Variants in JAK1 observed in about 807,000 individuals in gnomAD.
The protein encoded by JAK1 is tyrosine-protein kinase JAK1.
A neutral mutation model predicts 136.6 loss-of-function variants in JAK1; 16 were observed. The observed-to-expected ratio is 0.12, with a 90% confidence interval of 0.08 to 0.18. The LOEUF is 0.18. JAK1 is among the 10% of genes least tolerant of loss of function. JAK1 has a pLI of 1.00. For missense variants in JAK1, 859 were observed against 1,450.1 expected (o/e 0.59, Z 6.62); for synonymous variants, 492 against 519.5 (o/e 0.95, Z 0.72).
chr1:64,966,022 G>T (rs375005974), intron 1 of JAK1, among the ~76,000 whole-genome samples: 1 of 151,834 alleles, frequency 6.6e-6, no homozygotes, highest in African/African-American at 2.4e-5. Flanking sequence ...CAGACAGCGC[G>T]CTCCGGGCTT....
At chr1:64,973,267 C>T (rs997046566) in intron 2 of JAK1, among the ~76,000 whole-genome samples, 6 of 123,024 alleles carry the variant, frequency 4.9e-5, no homozygotes, top group Admixed American at 3.1e-4. Flanking sequence ...GAAAGAAAGA[C>T]GGAAGGAAGG....
chr1:64,982,343 C>T (rs774021688), intron 2 of JAK1, among the ~76,000 whole-genome samples: 1 of 152,158 alleles, frequency 6.6e-6, no homozygotes, highest in Non-Finnish European at 1.5e-5. Flanking sequence ...TTAGCTGACT[C>T]ACACAAGAGC....
chr1:64,919,249 G>A (rs1236214171), intron 1 of JAK1, among the ~76,000 whole-genome samples: 1 of 152,138 alleles, frequency 6.6e-6, no homozygotes, highest in Non-Finnish European at 1.5e-5. Context: ...TCCCACCTAT[G>A]AGTCAGAACA....
At chr1:65,030,764 T>A (rs1269514475) in intron 2 of JAK1, among the ~76,000 whole-genome samples, 2 of 152,148 alleles carry the variant, frequency 1.3e-5, no homozygotes, top group African/African-American at 4.8e-5. Flanking sequence ...ACTCCTGACC[T>A]CAGGTGATCC....
chr1:64,899,391 T>C (rs1300859043), intron 1 of JAK1, among the ~76,000 whole-genome samples: 1 of 152,206 alleles, frequency 6.6e-6, no homozygotes, highest in African/African-American at 2.4e-5. Flanking sequence ...TAAATTACTG[T>C]CACCTATAAA....
At chr1:64,990,511 G>A (rs1313215941) in intron 2 of JAK1, 1 of 152,018 alleles carries the variant, frequency 6.6e-6, no homozygotes, top group Non-Finnish European at 1.5e-5. Flanking sequence ...CAAAGAAGGA[G>A]AAGAATCTTA....
At chr1:65,044,002 G>T (rs181787848) in intron 2 of JAK1, among the ~76,000 whole-genome samples, 30 of 152,128 alleles carry the variant, frequency 2.0e-4, no homozygotes, top group African/African-American at 7.2e-4. Flanking sequence ...GATTACAGAC[G>T]TGAGTCACCG....
chr1:64,866,109 T>C (rs1365560785), intron 7 of JAK1, among the ~76,000 whole-genome samples: 2 of 152,224 alleles, frequency 1.3e-5, no homozygotes, highest in East Asian at 1.9e-4. Context: ...GTAACGGCTA[T>C]AATAATTTAT....
At chr1:64,834,708 TAA>T (rs747710267) in intron 24 of JAK1, 51 bp from the exon 25 acceptor site, 10 of 1,177,806 alleles carry the variant, frequency 8.5e-6, no homozygotes, top group Non-Finnish European at 1.2e-5. Context: ...CTGGGAACTT[TAA>T]AAAATAACAG....
chr1:65,002,773 C>G (rs1646771409), intron 2 of JAK1, among the ~76,000 whole-genome samples: 2 of 152,330 alleles, frequency 1.3e-5, no homozygotes, highest in South Asian at 4.1e-4. Flanking sequence ...TTCCCCGCCA[C>G]GATCGATGTG....
intron 17 of JAK1, among the ~76,000 whole-genome samples, chr1:64,843,628 T>TGCCTGTA (rs2100987352): frequency 6.6e-6 from 1 of 152,306 alleles, no homozygotes; most frequent in South Asian, 2.1e-4. Flanking sequence ...CCTAAGGCCC[T>TGCCTGTA]CAAGGGAAGG....
chr1:65,065,865 A>G (rs1251676141), intron 1 of JAK1, among the ~76,000 whole-genome samples: 1 of 151,642 alleles, frequency 6.6e-6, no homozygotes, highest in East Asian at 2.0e-4. Context: ...CGCACTGGCC[A>G]AAGGGGGTCA....
chr1:64,885,546 G>A (rs978177341), intron 2 of JAK1, among the ~76,000 whole-genome samples: 1 of 152,204 alleles, frequency 6.6e-6, no homozygotes, highest in East Asian at 1.9e-4. Context: ...GAGGTCACGA[G>A]ATTGAGACCA....
intron 1 of JAK1, among the ~76,000 whole-genome samples, chr1:65,063,677 C>T (rs1304419046): frequency 2.6e-5 from 4 of 151,968 alleles, no homozygotes; most frequent in African/African-American, 4.8e-5. Flanking sequence ...TGGTGGCACA[C>T]ACCTGTAGTC....
chr1:65,044,024 A>G (rs1647161276), intron 2 of JAK1, among the ~76,000 whole-genome samples: 1 of 151,514 alleles, frequency 6.6e-6, no homozygotes, highest in Admixed American at 6.6e-5. Context: ...ACCTGGCTGA[A>G]TTTTTGTATT....
chr1:64,974,772 A>G (rs1473227889), intron 2 of JAK1: 1 of 152,280 alleles, frequency 6.6e-6, no homozygotes, highest in Admixed American at 6.5e-5. Flanking sequence ...AAGACTATAT[A>G]GCACAGTTCC....
At chr1:64,916,309 A>T (rs2100331582) in intron 1 of JAK1, among the ~76,000 whole-genome samples, 1 of 152,354 alleles carries the variant, frequency 6.6e-6, no homozygotes, top group African/African-American at 2.4e-5. Flanking sequence ...GTAACATTTC[A>T]GAGAAAAAAG....
In JAK1 at chr1:64,850,999, C is replaced by T. The variant is rs942572062; in HGVS notation, c.1649-89G>A. 1.5e-5 allele frequency: 13 copies of T among 848,542 alleles called. 1 individual carries two copies. Among genetic ancestry groups the T allele is most frequent in the East Asian group, 2.6e-5 (1 of 39,174 alleles). 52.6% of individuals were successfully genotyped at this position (848,542 alleles called of 1,614,324 possible). A position where few individuals can be genotyped will look rare whatever the true frequency, so the allele number is the denominator to read the frequency against. Reference sequence around the variant, plus strand: ...GTCTGCTGAGCCGGGGCCGTGGGACCGGTGTGCGGGCGCTTGCTGCTTCAG... The same window carrying T: ...GTCTGCTGAGCCGGGGCCGTGGGACTGGTGTGCGGGCGCTTGCTGCTTCAG... On this transcript the variant is annotated intron_variant, in intron 11 of 24. Coordinates refer to ENST00000342505, the MANE Select transcript of JAK1 (RefSeq NM_002227.4).
At position 64,922,807 on chromosome 1, in the gene JAK1, G is replaced by A. The variant is rs537325954; in HGVS notation, c.-77-36466C>T. Among the ~76,000 whole-genome samples, 305 of 152,214 alleles carry A rather than the reference G, an allele frequency of 2.0e-3. 3 individuals carry two copies. The highest frequency in any genetic ancestry group is 4.3e-3 in the Admixed American group (66 of 15,292). On this transcript the variant is annotated intron_variant, in intron 1 of 24. Transcript: ENST00000342505. ...AAATATCAAAAAGACCATAAGGAGT[G>A]GCTTTGACATCAGTCAAACCTGAGT... is the stretch of plus-strand genomic sequence containing the variant.
Sources: allele counts gnomAD v4.1 joint callset (sites outside exome capture counted in the v4.1 genomes callset), GRCh38; gene constraint gnomAD v4.1.1; transcripts MANE v1.5; gene names NCBI Gene and HGNC (gene_info 2026-07-23, HGNC 2026-07-21).